Variants in TNKS2 observed in about 807,000 individuals in gnomAD.
The protein encoded by TNKS2 is tankyrase 2, also known as poly [ADP-ribose] polymerase tankyrase-2.
TNKS2 carries 72 observed loss-of-function variants against 137.6 expected under a neutral mutation model. The observed-to-expected ratio is 0.52, with a 90% confidence interval of 0.43 to 0.64. The LOEUF is 0.64. Ranked by LOEUF, TNKS2 falls within the 30% of genes least tolerant of loss-of-function variation. The probability of loss-of-function intolerance (pLI) is 0.00; values close to 1 mark genes in which losing one functional copy is unlikely to be tolerated. For missense variants in TNKS2, 1,049 were observed against 1,410.2 expected (o/e 0.74, Z 4.10); for synonymous variants, 516 against 512.1 (o/e 1.01, Z -0.10).
chr10:91,837,141 T>A, intron 13 of TNKS2, 143 bp downstream of exon 13: 1 of 658,226 alleles, frequency 1.5e-6, no homozygotes, highest in Non-Finnish European at 2.3e-6. Flanking sequence ...AATTGTTCTC[T>A]ACAAATGAGT....
chr10:91,805,169 G>C (rs1006909620), intron 1 of TNKS2, among the ~76,000 whole-genome samples: 7 of 150,396 alleles, frequency 4.7e-5, no homozygotes, highest in Non-Finnish European at 1.0e-4. Flanking sequence ...TCCTTTAAGT[G>C]CCCAAGATGT....
At chr10:91,825,507 A>G (rs897487873) in intron 7 of TNKS2, among the ~76,000 whole-genome samples, 1 of 152,200 alleles carries the variant, frequency 6.6e-6, no homozygotes, top group Non-Finnish European at 1.5e-5. Flanking sequence ...GCCCTTTATG[A>G]TGTCTTTTGC....
intron 1 of TNKS2, among the ~76,000 whole-genome samples, chr10:91,801,724 G>A (rs1844179495): frequency 6.6e-6 from 1 of 152,004 alleles, no homozygotes; most frequent in African/African-American, 2.4e-5. Flanking sequence ...CGCCTGCCTC[G>A]GCCTCCCAAA....
At chr10:91,840,121 C>T (rs1488132872) in intron 13 of TNKS2, among the ~76,000 whole-genome samples, 1 of 152,176 alleles carries the variant, frequency 6.6e-6, no homozygotes, top group Non-Finnish European at 1.5e-5. Flanking sequence ...GGGAGGATCC[C>T]TTGAGGCCAG....
intron 6 of TNKS2, 130 bp downstream of exon 6, chr10:91,820,163 GT>G (rs1238944882): frequency 5.6e-6 from 3 of 538,522 alleles, no homozygotes; most frequent in Non-Finnish European, 9.0e-6. Flanking sequence ...CAATGTACAG[GT>G]TGCTCTGAGG....
At chr10:91,804,137 G>T (rs1404939705) in intron 1 of TNKS2, among the ~76,000 whole-genome samples, 1 of 152,012 alleles carries the variant, frequency 6.6e-6, no homozygotes, top group Non-Finnish European at 1.5e-5. Context: ...TTTGACAAGA[G>T]GCTGCTTTTC....
At chr10:91,841,239 A>C (rs1014320544) in intron 14 of TNKS2, 44 bp from the exon 15 acceptor site, 1 of 1,430,298 alleles carries the variant, frequency 7.0e-7, no homozygotes, top group African/African-American at 1.5e-5. Context: ...TTTAAATTAA[A>C]ACATGTTCTT....
At chr10:91,824,996 A>C (rs1189623222) in intron 7 of TNKS2, among the ~76,000 whole-genome samples, 2 of 152,208 alleles carry the variant, frequency 1.3e-5, no homozygotes, top group African/African-American at 2.4e-5. Flanking sequence ...ATAGTATTGC[A>C]AGCAATATAA....
intron 15 of TNKS2, 53 bp from the exon 16 acceptor site, chr10:91,842,119 C>T: frequency 7.7e-7 from 1 of 1,304,790 alleles, no homozygotes; most frequent in Non-Finnish European, 1.1e-6. Context: ...TCTCATTGAC[C>T]AAAGGCACAT....
At chr10:91,820,453 A>G (rs374363328) in intron 6 of TNKS2, among the ~76,000 whole-genome samples, 1 of 152,238 alleles carries the variant, frequency 6.6e-6, no homozygotes, top group Non-Finnish European at 1.5e-5. Context: ...CTGTAAGACA[A>G]TTGGGATAAG....
At chr10:91,815,407 A>G (rs757428642) in intron 2 of TNKS2, among the ~76,000 whole-genome samples, 55 of 152,104 alleles carry the variant, frequency 3.6e-4, no homozygotes, top group Non-Finnish European at 6.2e-4. Flanking sequence ...CAAATACATC[A>G]TTTTTACCAC....
At chr10:91,830,237 A>C (rs894015787) in intron 9 of TNKS2, among the ~76,000 whole-genome samples, 3 of 151,886 alleles carry the variant, frequency 2.0e-5, no homozygotes, top group Non-Finnish European at 2.9e-5. Context: ...TTGTTTTTTG[A>C]GATGGAGTCT....
At position 91,811,515 on chromosome 10, in the gene TNKS2, C is replaced by G. The variant is rs1844504627; in HGVS notation, c.200-1468C>G. On this transcript the variant is annotated intron_variant, in intron 1 of 26. Coordinates refer to ENST00000371627, the MANE Select transcript of TNKS2 (RefSeq NM_025235.4). ...GTATTGAAATTTAAAATCTTCATATCTTAAATTATGAGCTCTTTGAGAGGA... is the reference window on the plus strand; with the variant it reads ...GTATTGAAATTTAAAATCTTCATATGTTAAATTATGAGCTCTTTGAGAGGA... Among the ~76,000 whole-genome samples the G allele has an allele frequency of 5.3e-5, 8 of 152,078 alleles. No individual in the cohort carries two copies. In the South Asian group the frequency reaches 1.7e-3, roughly 32 times the overall value.
rs1446755551 is a variant in TNKS2 at position 91,798,470 on chromosome 10, C to T, written c.-221C>T. ...TTTCAGGACCCGGACGGCGGATTCG[C>T]GCTGCCTCCGCCGCCGCGGGGCAGC... On this transcript the variant is annotated 5_prime_UTR_variant, in exon 1 of 27. Coordinates refer to ENST00000371627, the MANE Select transcript of TNKS2 (RefSeq NM_025235.4). The T allele has an allele frequency of 1.3e-5, 5 of 371,792 alleles. No homozygotes were observed. Among genetic ancestry groups the T allele is most frequent in the Non-Finnish European group, 2.2e-5 (5 of 227,344 alleles). The allele number at this position is 371,792 out of a possible 1,614,324, so 23.0% of individuals were successfully genotyped here. A position where few individuals can be genotyped will look rare whatever the true frequency, so the allele number is the denominator to read the frequency against.
At chr10:91,859,808 T>C (rs1312876002) in intron 25 of TNKS2, among the ~76,000 whole-genome samples, 160 bp downstream of exon 25, 1 of 152,218 alleles carries the variant, frequency 6.6e-6, no homozygotes, top group Admixed American at 6.5e-5. Context: ...TAGCTAATAT[T>C]TATTAAATGA....
chr10:91,836,749 A>G (rs1025573180), intron 12 of TNKS2, 170 bp from the exon 13 acceptor site: 1 of 985,428 alleles, frequency 1.0e-6, no homozygotes, highest in Non-Finnish European at 1.2e-6. Context: ...TTTTAAGAGA[A>G]TCTTATTTTT....
chr10:91,863,138 T>A lies in TNKS2; in HGVS notation c.*139T>A. Reference sequence around the variant, plus strand: ...AAAGGATAAAAATGTGAACGAAGTTTAACATTCTGACTTGATAAAGCTTTA... The same window carrying A: ...AAAGGATAAAAATGTGAACGAAGTTAAACATTCTGACTTGATAAAGCTTTA... On this transcript the variant is annotated 3_prime_UTR_variant, in exon 27 of 27. Coordinates refer to ENST00000371627, the MANE Select transcript of TNKS2 (RefSeq NM_025235.4). The A allele has an allele frequency of 1.7e-6, 1 of 587,246 alleles. No individual in the cohort carries two copies. The highest frequency in any genetic ancestry group is 3.0e-6 in the Non-Finnish European group (1 of 332,596). The allele number at this position is 587,246 out of a possible 1,614,324, so 36.4% of individuals were successfully genotyped here.
chr10:91,799,012 C>G (rs564978322), intron 1 of TNKS2, 123 bp downstream of exon 1: 8 of 1,236,944 alleles, frequency 6.5e-6, no homozygotes, highest in Non-Finnish European at 8.1e-6. Context: ...TCCTGGTGAT[C>G]TCGCTCTCTT....
chr10:91,833,985 T>C lies in TNKS2; in HGVS notation c.1408T>C (p.Leu470=). Residue 470 remains leucine, a synonymous_variant, in exon 12 of 27, where the codon TTA becomes CTA. Transcript: ENST00000371627. ...TATATCCCTTCAGGGCTTTACTGCT[T>C]TACAGATGGGAAATGAAAATGTACA... ...NIISLQGFTA[L]QMGNENVQQL... is the part of the protein sequence containing the mutation. 1 of 1,608,578 alleles carries C rather than the reference T, an allele frequency of 6.2e-7. No individual in the cohort carries two copies. The highest frequency in any genetic ancestry group is 1.3e-5 in the African/African-American group (1 of 74,818).
Sources: gnomAD v4.1 joint callset for allele counts (sites outside exome capture counted in the v4.1 genomes callset) on GRCh38, gnomAD v4.1.1 for gene constraint, MANE v1.5 for transcripts, NCBI Gene and HGNC (gene_info 2026-07-23, HGNC 2026-07-21) for gene names.